The following PRPSAP2 variants were observed in gnomAD, a reference collection of about 807,000 sequenced individuals.
PRPSAP2 encodes phosphoribosyl pyrophosphate synthetase associated protein 2, also known as phosphoribosyl pyrophosphate synthase-associated protein 2.
A neutral mutation model predicts 40.6 loss-of-function variants in PRPSAP2; 24 were observed. The ratio of observed to expected loss-of-function variants is 0.59; its 90% CI spans 0.43 to 0.83. PRPSAP2 has a LOEUF of 0.83. Among genes scored for constraint, PRPSAP2 ranks in the 40% least tolerant of loss-of-function variants. The pLI, the probability that PRPSAP2 is intolerant of heterozygous loss-of-function variation, is 0.00. For missense variants in PRPSAP2, 292 were observed against 465.6 expected, an observed-to-expected ratio of 0.63 and a Z score of 3.43; for synonymous variants, 149 against 164.7, an observed-to-expected ratio of 0.90 and a Z score of 0.73.
At chr17:18,895,081 C>CTT (rs35066217) in intron 8 of PRPSAP2, among the ~76,000 whole-genome samples, 2 of 131,120 alleles carry the variant, frequency 1.5e-5, no homozygotes, top group Non-Finnish European at 1.6e-5. Context: ...TAGATGTGTA[C>CTT]TTTTTTTTTT....
chr17:18,924,916 T>G (rs2151973149), intron 10 of PRPSAP2, among the ~76,000 whole-genome samples: 1 of 152,278 alleles, frequency 6.6e-6, no homozygotes, highest in Non-Finnish European at 1.5e-5. Context: ...GGTCAGGAGT[T>G]GAAGACCAGC....
chr17:18,908,461 A>G (rs1295984179), intron 8 of PRPSAP2: 1 of 759,836 alleles, frequency 1.3e-6, no homozygotes, highest in Non-Finnish European at 2.5e-6. Context: ...AGGATCTCCC[A>G]GAATGGAAGG....
chr17:18,900,936 G>T (rs1467810009), intron 8 of PRPSAP2, among the ~76,000 whole-genome samples: 1 of 152,076 alleles, frequency 6.6e-6, no homozygotes, highest in Non-Finnish European at 1.5e-5. Context: ...ACTGACTCTG[G>T]CAGTTGCTCC....
intron 8 of PRPSAP2, among the ~76,000 whole-genome samples, chr17:18,901,642 C>T (rs759501734): frequency 5.3e-5 from 8 of 152,182 alleles, no homozygotes; most frequent in Non-Finnish European, 8.8e-5. Context: ...TCCCAGAGTG[C>T]TAGGATTACA....
intron 8 of PRPSAP2, among the ~76,000 whole-genome samples, chr17:18,906,567 C>T (rs2040599163): frequency 6.6e-6 from 1 of 151,634 alleles, no homozygotes; most frequent in Admixed American, 6.6e-5. Flanking sequence ...GTTGCCCAGG[C>T]TGGTCTCAAA....
chr17:18,858,827 A>G (rs904850939), intron 1 of PRPSAP2, among the ~76,000 whole-genome samples: 1 of 147,764 alleles, frequency 6.8e-6, no homozygotes, highest in Non-Finnish European at 1.5e-5. Context: ...TGAAAGGAGT[A>G]TGAAAATGCG....
intron 5 of PRPSAP2, among the ~76,000 whole-genome samples, chr17:18,876,518 C>A (rs1359160162): frequency 6.6e-6 from 1 of 152,200 alleles, no homozygotes; most frequent in South Asian, 2.1e-4. Flanking sequence ...TTTTGAATGT[C>A]TACAATATGT....
At chr17:18,881,686 C>T (rs969704734) in intron 6 of PRPSAP2, among the ~76,000 whole-genome samples, 4 of 145,782 alleles carry the variant, frequency 2.7e-5, no homozygotes, top group African/African-American at 5.1e-5. Context: ...TACAGATGTG[C>T]GCCACCATGC....
chr17:18,881,902 A>G (rs549460602), intron 6 of PRPSAP2, among the ~76,000 whole-genome samples: 57 of 144,932 alleles, frequency 3.9e-4, no homozygotes, highest in African/African-American at 1.5e-3. Flanking sequence ...GTGCAGTGGC[A>G]TGATCTTGGC....
chr17:18,924,153 C>G (rs891756064), intron 10 of PRPSAP2, among the ~76,000 whole-genome samples, 169 bp downstream of exon 10: 4 of 152,200 alleles, frequency 2.6e-5, no homozygotes, highest in Non-Finnish European at 5.9e-5. Flanking sequence ...GATTCTCCTG[C>G]CTCAGCCTCC....
At chr17:18,917,578 ATTATTATTTTTTTTTTTTT>A (rs1733406695) in intron 9 of PRPSAP2, 2 of 33,616 alleles carry the variant, frequency 5.9e-5, no homozygotes, top group Non-Finnish European at 1.1e-4. Flanking sequence ...TATTATTATT[ATTATTATTTTTTTTTTTTT>A]TTTTTTTTTT....
chr17:18,865,928 T>A lies in PRPSAP2; in HGVS notation c.95T>A (p.Met32Lys). The change falls in exon 3 of 12, where the codon ATG (methionine) becomes AAG (lysine). Residue 32 changes from methionine to lysine, a missense_variant. Met to Lys is a moderately conservative substitution (Grantham distance 95). Transcript: ENST00000268835. Reference protein sequence around the residue: ...LFSANSNSSCMELSKKIAERL... With the variant: ...LFSANSNSSCKELSKKIAERL... ...TCAGCAAACTCGAATTCATCATGTA[T>A]GGAGCTATCAAAGAAAATTGCAGAG... 1 of 1,481,096 alleles carries A rather than the reference T, an allele frequency of 6.8e-7. No homozygotes were observed. The highest frequency in any genetic ancestry group is 9.1e-7 in the Non-Finnish European group (1 of 1,101,318). 91.7% of individuals were successfully genotyped at this position (1,481,096 alleles called of 1,614,324 possible). A position where few individuals can be genotyped will look rare whatever the true frequency, so the allele number is the denominator to read the frequency against.
Position 18,869,676 on chromosome 17 carries a change from A to AT in PRPSAP2, c.172+2357dup, listed in dbSNP as rs35312271. ...AGCTACACACACACACCCAGCCATA[A>AT]TTTTTTTTTTTTTTTGATACGGGGC... On this transcript the variant is annotated intron_variant, in intron 4 of 11. Transcript: ENST00000268835. Among the ~76,000 whole-genome samples, 564 of 138,078 alleles carry AT rather than the reference A, an allele frequency of 4.1e-3. 1 individual carries two copies. The highest frequency in any genetic ancestry group is 7.8e-3 in the Middle Eastern group (2 of 256). 90.6% of individuals were successfully genotyped at this position (138,078 alleles called of 152,430 possible). A position where few individuals can be genotyped will look rare whatever the true frequency, so the allele number is the denominator to read the frequency against.
At chr17:18,877,676 A>C in intron 5 of PRPSAP2, 22 bp from the exon 6 acceptor site, 1 of 1,591,108 alleles carries the variant, frequency 6.3e-7, no homozygotes. Flanking sequence ...CCTTGATGAG[A>C]TTTGCTGTGT....
intron 4 of PRPSAP2, among the ~76,000 whole-genome samples, chr17:18,869,713 G>C (rs1319435726): frequency 1.3e-5 from 2 of 149,188 alleles, no homozygotes; most frequent in African/African-American, 4.9e-5. Context: ...TTGCCATCTT[G>C]CTCAGGCTGG....
chr17:18,916,964 A>G (rs190847737), intron 9 of PRPSAP2, among the ~76,000 whole-genome samples: 1 of 152,348 alleles, frequency 6.6e-6, no homozygotes, highest in East Asian at 1.9e-4. Flanking sequence ...TAGCATTTTG[A>G]GAGGACACCA....
At chr17:18,863,060 T>C (rs1278347977) in intron 1 of PRPSAP2, among the ~76,000 whole-genome samples, 1 of 152,096 alleles carries the variant, frequency 6.6e-6, no homozygotes, top group Non-Finnish European at 1.5e-5. Context: ...GACCTCGTGA[T>C]CCACCTGCCT....
intron 8 of PRPSAP2, among the ~76,000 whole-genome samples, chr17:18,894,749 C>G (rs1317125845): frequency 1.3e-5 from 2 of 152,178 alleles, no homozygotes; most frequent in Non-Finnish European, 2.9e-5. Context: ...TCCCAAAGTG[C>G]TGGGATTACA....
intron 6 of PRPSAP2, among the ~76,000 whole-genome samples, chr17:18,878,715 G>A (rs956906528): frequency 2.8e-4 from 42 of 151,972 alleles, no homozygotes; most frequent in Non-Finnish European, 5.4e-4. Context: ...GCGCCACCAC[G>A]CCCGGCTAAT....
Sources: allele counts gnomAD v4.1 joint callset (sites outside exome capture counted in the v4.1 genomes callset), GRCh38; gene constraint gnomAD v4.1.1; transcripts MANE v1.5; gene names NCBI Gene and HGNC (gene_info 2026-07-23, HGNC 2026-07-21).